Variants in VWF observed in about 807,000 individuals in gnomAD.
VWF encodes the protein Factor VIII related antigen.
VWF carries 176 observed loss-of-function variants against 308.6 expected under a neutral mutation model. The ratio of observed to expected loss-of-function variants is 0.57; its 90% CI spans 0.50 to 0.65. The LOEUF is 0.65. Among genes scored for constraint, VWF ranks in the 30% least tolerant of loss-of-function variants. The pLI, the probability that VWF is intolerant of heterozygous loss-of-function variation, is 0.00. For missense variants in VWF, 3,146 were observed against 3,648.2 expected (o/e 0.86, Z 3.55); for synonymous variants, 1,385 against 1,443.4 (o/e 0.96, Z 0.92).
Position 5,996,219 on chromosome 12 carries a change from A to C in VWF, c.5846T>G (p.Val1949Gly). 1 of 1,611,530 alleles carries C rather than the reference A, an allele frequency of 6.2e-7. No homozygotes were observed. The highest frequency in any genetic ancestry group is 8.5e-7 in the Non-Finnish European group (1 of 1,178,946). Reference protein sequence around the residue: ...TCGCRWTCPCVCTGSSTRHIV... With the variant: ...TCGCRWTCPCGCTGSSTRHIV... ...GTGCCGAGTGGAGCTGCCTGTGCAC[A>C]CGCCTGGACAGAGAGAAGCAGAGGA... Residue 1949 changes from valine (V) to glycine (G), a missense_variant, in exon 35 of 52, where the codon GTG becomes GGG. By Grantham distance (109) the Val-to-Gly change is moderately radical. Around this residue, in one of 3 missense-constraint regions of VWF, gnomAD observed 989 missense variants for 1,117.4 expected, o/e 0.89. Coordinates refer to ENST00000261405, the MANE Select transcript of VWF (RefSeq NM_000552.5).
At chr12:6,039,447 T>G (rs1470030719) in intron 18 of VWF, among the ~76,000 whole-genome samples, 2 of 152,202 alleles carry the variant, frequency 1.3e-5, no homozygotes, top group Non-Finnish European at 2.9e-5. Context: ...TGCCTCTCGT[T>G]CATTCTCCTA....
At chr12:6,103,171 A>T (rs1308187895) in intron 5 of VWF, among the ~76,000 whole-genome samples, 1 of 151,932 alleles carries the variant, frequency 6.6e-6, no homozygotes, top group Non-Finnish European at 1.5e-5. Context: ...TACTAAAAAT[A>T]CAAAAAATTA....
At chr12:6,007,901 G>A (rs1565827402) in intron 34 of VWF, among the ~76,000 whole-genome samples, 1 of 152,088 alleles carries the variant, frequency 6.6e-6, no homozygotes, top group Non-Finnish European at 1.5e-5. Flanking sequence ...AGGTTAGTAA[G>A]AGACTACTAT....
intron 5 of VWF, among the ~76,000 whole-genome samples, chr12:6,104,531 T>C (rs886452272): frequency 9.3e-5 from 14 of 150,554 alleles, no homozygotes; most frequent in African/African-American, 3.2e-4. Context: ...ACTAAAAAAA[T>C]ACAAAAGAAA....
intron 6 of VWF, among the ~76,000 whole-genome samples, chr12:6,095,014 G>A (rs955496648): frequency 4.0e-5 from 6 of 150,938 alleles, no homozygotes; most frequent in African/African-American, 1.5e-4. Flanking sequence ...GCGCCCAGAT[G>A]GTTTCGATCT....
chr12:5,995,594 G>A (rs924562624), intron 35 of VWF, among the ~76,000 whole-genome samples: 3 of 151,920 alleles, frequency 2.0e-5, no homozygotes, highest in Non-Finnish European at 4.4e-5. Context: ...GGAGCCTGAC[G>A]TTTTATGTAG....
chr12:6,042,395 G>A (rs1944405154), intron 18 of VWF, among the ~76,000 whole-genome samples: 1 of 152,198 alleles, frequency 6.6e-6, no homozygotes, highest in African/African-American at 2.4e-5. Flanking sequence ...CCCAAACAGG[G>A]TGTTTCCAGG....
intron 3 of VWF, among the ~76,000 whole-genome samples, chr12:6,117,902 C>T (rs1224367085): frequency 4.6e-5 from 7 of 152,300 alleles, no homozygotes; most frequent in Non-Finnish European, 1.0e-4. Context: ...GAGGAGAACA[C>T]GGGTTTTCCG....
Position 5,990,853 on chromosome 12 carries a change from T to A in VWF, c.6798+966A>T, listed in dbSNP as rs138806041. The stretch of plus-strand genomic sequence containing the variant: ...AAATATGCTTTCAAAATACACTCAA[T>A]AACTCCCATAGAGCTAAAAAAAAAA... On this transcript the variant is annotated intron_variant, in intron 38 of 51. Coordinates refer to ENST00000261405, the MANE Select transcript of VWF (RefSeq NM_000552.5). Among the ~76,000 whole-genome samples the A allele has an allele frequency of 1.5e-3, 133 of 89,822 alleles. 1 individual carries two copies. The highest frequency in any genetic ancestry group is 6.2e-3 in the African/African-American group (126 of 20,220). The allele number at this position is 89,822 out of a possible 152,430, so 58.9% of individuals were successfully genotyped here.
At chr12:6,011,239 G>A (rs1473607942) in intron 34 of VWF, among the ~76,000 whole-genome samples, 1 of 152,170 alleles carries the variant, frequency 6.6e-6, no homozygotes, top group Non-Finnish European at 1.5e-5. Context: ...AGGTGTGGTT[G>A]GAGAGTTTTC....
chr12:6,111,072 C>T, intron 3 of VWF, 104 bp from the exon 4 acceptor site: 2 of 1,075,224 alleles, frequency 1.9e-6, no homozygotes, highest in Admixed American at 1.9e-5. Context: ...GCAGAAAACG[C>T]CCCAAAAAGT....
chr12:6,025,902 G>A lies in VWF; in HGVS notation c.3108+4C>T, dbSNP rs200293808. On this transcript the variant is annotated splice_donor_region_variant and intron_variant, in intron 23 of 51. Coordinates refer to ENST00000261405, the MANE Select transcript of VWF (RefSeq NM_000552.5). ...GCTCTGTCCACACAGAGACCCAGAC[G>A]TACTTTTCTGGTGTCAGCACACTGC... 84 of 1,613,774 alleles carry A rather than the reference G, an allele frequency of 5.2e-5. No homozygotes were observed. The highest frequency in any genetic ancestry group is 1.6e-4 in the Middle Eastern group (1 of 6,064).
At chr12:6,064,568 G>C (rs1042864571) in intron 11 of VWF, among the ~76,000 whole-genome samples, 184 bp from the exon 12 acceptor site, 2 of 152,170 alleles carry the variant, frequency 1.3e-5, no homozygotes, top group African/African-American at 4.8e-5. Context: ...CAGCAAGAAG[G>C]CTTGCTAAGT....
intron 21 of VWF, among the ~76,000 whole-genome samples, chr12:6,029,817 C>T (rs1944238249): frequency 6.6e-6 from 1 of 152,208 alleles, no homozygotes; most frequent in South Asian, 2.1e-4. Flanking sequence ...ATATAGTGGT[C>T]TCCTAGATAG....
rs879872900 is a variant in VWF at position 5,984,009 on chromosome 12, TAGATAGATAGAC to T, written c.6977-767_6977-756del. Among the ~76,000 whole-genome samples the T allele has an allele frequency of 7.9e-3, 1,067 of 134,506 alleles. 11 individuals carry two copies. The highest frequency in any genetic ancestry group is 0.02 in the African/African-American group (709 of 35,828). 88.2% of individuals were successfully genotyped at this position (134,506 alleles called of 152,430 possible). A position where few individuals can be genotyped will look rare whatever the true frequency, so the allele number is the denominator to read the frequency against. ...ATAGATAGATAGATAGATAGATAGA[TAGATAGATAGAC>T]AGACAGACAGACAGACAGATAGATC... On this transcript the variant is annotated intron_variant, in intron 40 of 51. Transcript: ENST00000261405.
intron 5 of VWF, among the ~76,000 whole-genome samples, chr12:6,103,583 C>G (rs1260670957): frequency 1.5e-5 from 2 of 133,850 alleles, no homozygotes; most frequent in South Asian, 2.4e-4. Flanking sequence ...CACACACACA[C>G]AGATCAATGG....
At chr12:5,990,893 AAAAAAAAAAAAAAAAT>A (rs547636155) in intron 38 of VWF, among the ~76,000 whole-genome samples, 16,491 of 99,888 alleles carry the variant, frequency 0.17, 2,273 homozygotes, top group East Asian at 0.33. Context: ...AAAAAAAAAA[AAAAAAAAAAAAAAAAT>A]TTTGATGACT....
intron 45 of VWF, among the ~76,000 whole-genome samples, chr12:5,968,656 T>C (rs12307110): frequency 0.19 from 28,118 of 151,684 alleles, 3,262 homozygotes; most frequent in African/African-American, 0.31. Flanking sequence ...ATTAGCCGAG[T>C]GTGGTGGCGC....
chr12:6,123,265 T>C (rs1651293579), intron 1 of VWF, 69 bp from the exon 2 acceptor site: 1 of 1,552,628 alleles, frequency 6.4e-7, no homozygotes, highest in Non-Finnish European at 8.9e-7. Context: ...GTGGCGACTA[T>C]CAGGGCATGC....
Sources: allele counts gnomAD v4.1 joint callset (sites outside exome capture counted in the v4.1 genomes callset), GRCh38; gene constraint gnomAD v4.1.1; regional missense constraint gnomAD v4.1.1; transcripts MANE v1.5; gene names NCBI Gene and HGNC (gene_info 2026-07-23, HGNC 2026-07-21).